Variants in WDR93 observed in about 807,000 individuals in gnomAD.
WDR93 encodes the protein WD repeat-containing protein 93.
A neutral mutation model predicts 82.9 loss-of-function variants in WDR93; 73 were observed. The ratio of observed to expected loss-of-function variants is 0.88; its 90% CI spans 0.73 to 1.07. The LOEUF is 1.07. Ranked by LOEUF, WDR93 falls within the 50% of genes least tolerant of loss-of-function variation. The pLI is 0.00. For synonymous variants in WDR93, 283 were observed against 300.1 expected (o/e 0.94, Z 0.59); for missense variants, 738 against 826.0 (o/e 0.89, Z 1.31).
At chr15:89,697,611 T>C (rs2141584358) in intron 1 of WDR93, among the ~76,000 whole-genome samples, 1 of 152,350 alleles carries the variant, frequency 6.6e-6, no homozygotes, top group East Asian at 1.9e-4. Flanking sequence ...TGCAATCTGC[T>C]GTTTTGGGTA....
intron 13 of WDR93, among the ~76,000 whole-genome samples, chr15:89,734,711 A>G (rs1007025198): frequency 6.6e-6 from 1 of 152,160 alleles, no homozygotes; most frequent in Non-Finnish European, 1.5e-5. Context: ...TAGGCCAGGT[A>G]CAGAGGGTCA....
intron 14 of WDR93, 23 bp from the exon 15 acceptor site, chr15:89,737,550 C>G (rs1278046814): frequency 2.5e-6 from 4 of 1,613,942 alleles, no homozygotes; most frequent in Non-Finnish European, 3.4e-6. Context: ...AGAAGCCCCC[C>G]TCACCATCTC....
intron 1 of WDR93, among the ~76,000 whole-genome samples, chr15:89,695,867 A>T (rs1965145806): frequency 7.8e-6 from 1 of 128,254 alleles, no homozygotes; most frequent in South Asian, 2.5e-4. Flanking sequence ...CCCAGGCTGG[A>T]GTGCAATGGC....
chr15:89,706,970 G>A (rs967173645), intron 4 of WDR93, among the ~76,000 whole-genome samples: 2 of 152,092 alleles, frequency 1.3e-5, no homozygotes, highest in Non-Finnish European at 2.9e-5. Flanking sequence ...AAAAACTTCT[G>A]TAAAAGATAT....
Position 89,690,819 on chromosome 15 carries a change from A to G in WDR93, c.-79A>G. The G allele has an allele frequency of 1.8e-6, 1 of 559,494 alleles. No individual in the cohort carries two copies. The highest frequency in any genetic ancestry group is 3.2e-6 in the Non-Finnish European group (1 of 314,216). The allele number at this position is 559,494 out of a possible 1,614,324, so 34.7% of individuals were successfully genotyped here. On this transcript the variant is annotated 5_prime_UTR_variant, in exon 1 of 17. Transcript: ENST00000268130. ...TCGCGGACTTCCGGTTCAAGCCGGA[A>G]GTTGTGGTTACCAAGGCGACGCAAC...
At chr15:89,730,825 G>T (rs922477015) in intron 11 of WDR93, among the ~76,000 whole-genome samples, 1 of 152,012 alleles carries the variant, frequency 6.6e-6, no homozygotes, top group Non-Finnish European at 1.5e-5. Context: ...GTTTGAGGCT[G>T]CAGTGAGCCA....
intron 7 of WDR93, chr15:89,719,568 C>T (rs1034548763): frequency 7.9e-5 from 12 of 152,258 alleles, no homozygotes; most frequent in South Asian, 4.1e-4. Context: ...TCATCCCTCT[C>T]ATTCCTGATA....
chr15:89,699,616 A>G (rs11629564), intron 1 of WDR93, among the ~76,000 whole-genome samples: 66,140 of 151,330 alleles, frequency 0.44, 14,871 homozygotes, highest in African/African-American at 0.5. Flanking sequence ...ATGATCTCAC[A>G]CCTCAGTTCT....
chr15:89,712,394 A>ATATTTTTTTTTTTTTTTTTTTTTTT (rs1177405888), intron 5 of WDR93, among the ~76,000 whole-genome samples: 1 of 61,684 alleles, frequency 1.6e-5, no homozygotes, highest in African/African-American at 9.3e-5. Context: ...TTTTCCACTA[A>ATATTTTTTTTTTTTTTTTTTTTTTT]TCTTTTTTTT....
chr15:89,740,871 G>A (rs1455612081), intron 16 of WDR93, among the ~76,000 whole-genome samples: 1 of 152,126 alleles, frequency 6.6e-6, no homozygotes, highest in Non-Finnish European at 1.5e-5. Context: ...CGGGCGCGGT[G>A]GCTCACACCT....
chr15:89,698,221 G>A (rs1965285288), intron 1 of WDR93, among the ~76,000 whole-genome samples: 1 of 152,026 alleles, frequency 6.6e-6, no homozygotes, highest in African/African-American at 2.4e-5. Flanking sequence ...TTTATCGCAG[G>A]TAATATTCTT....
At chr15:89,708,309 A>G (rs899533480) in intron 4 of WDR93, among the ~76,000 whole-genome samples, 32 of 152,304 alleles carry the variant, frequency 2.1e-4, no homozygotes, top group Middle Eastern at 6.8e-3. Context: ...CTGCTCATCG[A>G]AAGATGCTAT....
In WDR93 at chr15:89,737,319, G is replaced by A. The variant is rs185624001; in HGVS notation, c.1609-254G>A. ...AGAGAAGCAGAGAACTTGGAAGAGA[G>A]GCTGGGAAAAAGGGGAGGAATGCAT... is the stretch of plus-strand genomic sequence containing the variant. On this transcript the variant is annotated intron_variant, in intron 14 of 16. Coordinates refer to ENST00000268130, the MANE Select transcript of WDR93 (RefSeq NM_020212.2). Among the ~76,000 whole-genome samples, 1,140 of 152,314 alleles carry A rather than the reference G, an allele frequency of 7.5e-3. 18 individuals are homozygous for A. The highest frequency in any genetic ancestry group is 0.026 in the African/African-American group (1,096 of 41,572).
At chr15:89,699,261 A>G (rs1283029596) in intron 1 of WDR93, among the ~76,000 whole-genome samples, 2 of 152,018 alleles carry the variant, frequency 1.3e-5, no homozygotes, top group African/African-American at 4.8e-5. Context: ...ATTTCACTTT[A>G]ATTTTCTGAA....
At chr15:89,743,208 C>A in intron 16 of WDR93, 84 bp from the exon 17 acceptor site, 2 of 1,337,916 alleles carry the variant, frequency 1.5e-6, no homozygotes, top group Non-Finnish European at 2.1e-6. Flanking sequence ...CATAGGAGCA[C>A]AGGGTAGTCG....
At chr15:89,728,495 G>A (rs1966823807) in intron 9 of WDR93, among the ~76,000 whole-genome samples, 1 of 152,194 alleles carries the variant, frequency 6.6e-6, no homozygotes, top group Admixed American at 6.5e-5. Context: ...AAGATTCAGT[G>A]GTATGCTGGG....
At chr15:89,730,369 G>C (rs1373034182) in intron 11 of WDR93, among the ~76,000 whole-genome samples, 1 of 150,828 alleles carries the variant, frequency 6.6e-6, no homozygotes, top group Non-Finnish European at 1.5e-5. Context: ...AGTAGGCTTG[G>C]AATCAGAAGG....
intron 1 of WDR93, among the ~76,000 whole-genome samples, chr15:89,699,141 T>C (rs1446592042): frequency 1.3e-5 from 2 of 152,164 alleles, no homozygotes; most frequent in African/African-American, 4.8e-5. Context: ...GGAGCTACTA[T>C]ACCCTGATCC....
Position 89,707,234 on chromosome 15 carries a change from A to T in WDR93, c.561+1616A>T, listed in dbSNP as rs142048371. 9.2e-5 allele frequency among the ~76,000 whole-genome samples: 14 copies of T among 152,312 alleles called. No homozygotes were observed. The East Asian group carries it at 2.7e-3, about 29-fold the overall frequency. On this transcript the variant is annotated intron_variant, in intron 4 of 16. Transcript: ENST00000268130. The stretch of plus-strand genomic sequence containing the variant: ...CACAATGAGATATAATTACACATGT[A>T]TTAGAATCCTCAAATTAAAAACACT...
Sources: gnomAD v4.1 joint callset for allele counts (sites outside exome capture counted in the v4.1 genomes callset) on GRCh38, gnomAD v4.1.1 for gene constraint, MANE v1.5 for transcripts, NCBI Gene and HGNC (gene_info 2026-07-23, HGNC 2026-07-21) for gene names.